Variants in ADAT1 observed in about 807,000 individuals in gnomAD.
The protein encoded by ADAT1 is adenosine deaminase tRNA specific 1.
A neutral mutation model predicts 58.6 loss-of-function variants in ADAT1; 58 were observed. That is an observed-to-expected ratio of 0.99 (90% CI 0.80 to 1.23). The LOEUF is 1.23. Ranked by LOEUF, ADAT1 falls within the 50% of genes most tolerant of loss-of-function variation. The pLI is 0.00. For synonymous variants in ADAT1, 254 were observed against 220.8 expected (o/e 1.15, Z -1.33); for missense variants, 741 against 608.6 (o/e 1.22, Z -2.29).
At chr16:75,602,702 G>A (rs914778728) in intron 9 of ADAT1, among the ~76,000 whole-genome samples, 2 of 152,156 alleles carry the variant, frequency 1.3e-5, no homozygotes, top group Non-Finnish European at 2.9e-5. Flanking sequence ...ATTTTTGTTT[G>A]AAGAGCAATT....
intron 4 of ADAT1, 111 bp from the exon 5 acceptor site, chr16:75,617,383 G>A: frequency 1.7e-6 from 2 of 1,197,212 alleles, no homozygotes; most frequent in South Asian, 3.0e-5. Context: ...GGGACTGGTA[G>A]TGATGGGGAA....
chr16:75,608,159 A>C, intron 8 of ADAT1, 65 bp downstream of exon 8: 1 of 1,382,336 alleles, frequency 7.2e-7, no homozygotes, highest in African/African-American at 1.4e-5. Context: ...AAAATGTTCT[A>C]GAATTAGATA....
In ADAT1 at chr16:75,612,364, C is replaced by T. The variant is rs151268456; in HGVS notation, c.922G>A (p.Val308Ile). Residue 308 changes from valine to isoleucine, a missense_variant, in exon 6 of 10, where the codon GTC (valine) becomes ATC (isoleucine). Physicochemically the swap from Val to Ile is conservative, Grantham distance 29. Coordinates refer to ENST00000564657, the MANE Select transcript of ADAT1 (RefSeq NM_001324445.2). ...AACAGTGCCCCTTGGCATCCGAGGA[C>T]GTTCCATCGGGCCATCTTGTCACTA... ...SCSDKMARWNVLGCQGALLMH... is the reference protein window; with the variant it reads ...SCSDKMARWNILGCQGALLMH... 388 of 1,614,222 alleles carry T rather than the reference C, an allele frequency of 2.4e-4. 1 individual carries two copies. The East Asian group carries it at 7.6e-3, about 32-fold the overall frequency.
At position 75,599,895 on chromosome 16, in the gene ADAT1, T is replaced by C. The variant is rs1004067103; in HGVS notation, c.*321A>G. On this transcript the variant is annotated 3_prime_UTR_variant, in exon 10 of 10. Coordinates refer to ENST00000564657, the MANE Select transcript of ADAT1 (RefSeq NM_001324445.2). ...TCAATAAATATTTGCTGAATCAATG[T>C]AGGAACCCATAAAACAGAGCTGCTG... 7 of 1,055,818 alleles carry C rather than the reference T, an allele frequency of 6.6e-6. No individual in the cohort carries two copies. The highest frequency in any genetic ancestry group is 5.2e-5 in the Admixed American group (1 of 19,292). The allele number at this position is 1,055,818 out of a possible 1,614,324, so 65.4% of individuals were successfully genotyped here.
At chr16:75,618,515 A>T in intron 4 of ADAT1, 71 bp downstream of exon 4, 2 of 1,213,308 alleles carry the variant, frequency 1.6e-6, no homozygotes, top group South Asian at 3.0e-5. Flanking sequence ...CCCCCAAAAA[A>T]AAAAAAAAAA....
intron 5 of ADAT1, 102 bp downstream of exon 5, chr16:75,617,040 C>A: frequency 6.3e-6 from 9 of 1,431,554 alleles, no homozygotes. Context: ...CCTGTGGCTA[C>A]TTCAGCCATT....
At chr16:75,616,652 T>C (rs1344577046) in intron 5 of ADAT1, among the ~76,000 whole-genome samples, 2 of 152,196 alleles carry the variant, frequency 1.3e-5, no homozygotes, top group African/African-American at 4.8e-5. Context: ...CACCAAAATT[T>C]ACCCTAACTA....
At chr16:75,608,725 A>G (rs1367842441) in intron 7 of ADAT1, 118 bp downstream of exon 7, 1 of 1,271,924 alleles carries the variant, frequency 7.9e-7, no homozygotes, top group Non-Finnish European at 1.1e-6. Flanking sequence ...TAAAGCCCAC[A>G]CTACCGGCCA....
At chr16:75,620,907 T>C (rs1034624474) in intron 1 of ADAT1, 87 bp from the exon 2 acceptor site, 2 of 1,183,812 alleles carry the variant, frequency 1.7e-6, no homozygotes, top group Non-Finnish European at 2.3e-6. Flanking sequence ...CTTCGAGTCT[T>C]TCAAATGGAG....
chr16:75,608,826 T>C lies in ADAT1; in HGVS notation c.1189+17A>G, dbSNP rs781602917. On this transcript the variant is annotated intron_variant, in intron 7 of 9. Transcript: ENST00000564657. The stretch of plus-strand genomic sequence containing the variant: ...GGGAGCAGTTACTCCAGGGCAGGTC[T>C]AACCTGGATCTCTTACCTGCCCCAC... 6 of 1,610,756 alleles carry C rather than the reference T, an allele frequency of 3.7e-6. No homozygotes were observed. The highest frequency in any genetic ancestry group is 5.1e-6 in the Non-Finnish European group (6 of 1,179,024).
At chr16:75,607,054 C>T (rs1423568413) in intron 8 of ADAT1, among the ~76,000 whole-genome samples, 2 of 151,500 alleles carry the variant, frequency 1.3e-5, no homozygotes, top group African/African-American at 4.9e-5. Context: ...AGTGAAACCC[C>T]GTCTCTACTA....
intron 8 of ADAT1, among the ~76,000 whole-genome samples, chr16:75,604,949 T>G (rs1161948227): frequency 6.6e-6 from 1 of 152,196 alleles, no homozygotes; most frequent in Non-Finnish European, 1.5e-5. Flanking sequence ...TTCTTCTGCC[T>G]CTGCAACTAG....
At chr16:75,600,455 G>A (rs980389450) in intron 9 of ADAT1, 107 bp from the exon 10 acceptor site, 35 of 1,500,566 alleles carry the variant, frequency 2.3e-5, no homozygotes, top group Admixed American at 8.7e-5. Flanking sequence ...TGAGACTTAG[G>A]TAGAGAAGGA....
rs368885614 is a variant in ADAT1, at chr16:75,603,180, A to C, written c.1290-9T>G. 6.2e-7 allele frequency: 1 copy of C among 1,609,758 alleles called. No individual in the cohort carries two copies. Among genetic ancestry groups the C allele is most frequent in the African/African-American group, 1.3e-5 (1 of 74,930 alleles). ...CTTTGCTGATTTGGGATCTGTTTGG[A>C]AAAAGAAGGCAAAGATGATTTATTA... is the stretch of plus-strand genomic sequence containing the variant. On this transcript the variant is annotated splice_polypyrimidine_tract_variant and intron_variant, in intron 8 of 9. Transcript: ENST00000564657.
In ADAT1 at chr16:75,612,387, C is replaced by T; in HGVS notation, c.899G>A (p.Ser300Asn). ...RGDRTRSMSC[S>N]DKMARWNVLG... ...GACGTTCCATCGGGCCATCTTGTCACTACAGGACATGGAGCGTGTTCTGTC... is the reference window on the plus strand; with the variant it reads ...GACGTTCCATCGGGCCATCTTGTCATTACAGGACATGGAGCGTGTTCTGTC... The change falls in exon 6 of 10, where the codon AGT becomes AAT. Residue 300 changes from serine to asparagine, a missense_variant. By Grantham distance (46) the Ser-to-Asn change is conservative. Transcript: ENST00000564657. 1 of 1,614,252 alleles carries T rather than the reference C, an allele frequency of 6.2e-7. No individual in the cohort carries two copies. Among genetic ancestry groups the T allele is most frequent in the Non-Finnish European group, 8.5e-7 (1 of 1,180,052 alleles).
intron 5 of ADAT1, 57 bp downstream of exon 5, chr16:75,617,085 C>A: frequency 6.4e-7 from 1 of 1,550,590 alleles, no homozygotes. Context: ...CTATGGATAA[C>A]ACAAACATAA....
chr16:75,603,118 C>G lies in ADAT1; in HGVS notation c.1343G>C (p.Arg448Thr). The G allele has an allele frequency of 6.2e-7, 1 of 1,614,110 alleles. No homozygotes were observed. ...LFRSFQKLLS[R>T]IARDKWPHSL... The stretch of plus-strand genomic sequence containing the variant: ...GTGTGGCCACTTGTCCCTTGCAATT[C>G]TGCTTAGCAGCTTCTGGAATGATCT... Residue 448 changes from arginine to threonine, a missense_variant, in exon 9 of 10, where the codon AGA becomes ACA. Transcript: ENST00000564657.
At chr16:75,621,450 T>C (rs770690306) in intron 1 of ADAT1, among the ~76,000 whole-genome samples, 1 of 152,064 alleles carries the variant, frequency 6.6e-6, no homozygotes, top group Admixed American at 6.6e-5. Flanking sequence ...AATAGACTAC[T>C]TAACCTTGCT....
chr16:75,609,188 G>A (rs1477616189), intron 6 of ADAT1, among the ~76,000 whole-genome samples, 200 bp from the exon 7 acceptor site: 1 of 152,148 alleles, frequency 6.6e-6, no homozygotes, highest in Non-Finnish European at 1.5e-5. Context: ...TCAATCTGCA[G>A]GGATAACTAA....
Sources: allele counts gnomAD v4.1 joint callset (sites outside exome capture counted in the v4.1 genomes callset), GRCh38; gene constraint gnomAD v4.1.1; transcripts MANE v1.5; gene names NCBI Gene and HGNC (gene_info 2026-07-23, HGNC 2026-07-21).